The following CREBRF variants were observed in gnomAD, a reference collection of about 807,000 sequenced individuals.
CREBRF encodes the protein UPF0474 protein C5orf41.
In CREBRF, 5 loss-of-function variants were observed where a neutral mutation model predicts 66.1. That is an observed-to-expected ratio of 0.08 (90% confidence interval 0.04 to 0.16). The LOEUF (loss-of-function observed/expected upper bound fraction) is 0.16, where lower values mean the gene tolerates loss of function less well. Among genes scored for constraint, CREBRF ranks in the 10% least tolerant of loss-of-function variants. The pLI is 1.00. For synonymous variants in CREBRF, 229 were observed against 264.4 expected (o/e 0.87, Z 1.30); for missense variants, 531 against 744.9 (o/e 0.71, Z 3.34).
chr5:173,103,283 T>C (rs1231542671), intron 4 of CREBRF, among the ~76,000 whole-genome samples: 1 of 152,208 alleles, frequency 6.6e-6, no homozygotes, highest in East Asian at 1.9e-4. Flanking sequence ...TAATATTATT[T>C]GGACAGTTCT....
At chr5:173,092,163 T>G in intron 4 of CREBRF, 1 of 924,030 alleles carries the variant, frequency 1.1e-6, no homozygotes, top group African/African-American at 1.8e-5. Flanking sequence ...GTTAGGAGTA[T>G]ATAGAATGTT....
chr5:173,104,446 TG>T (rs1382340348), intron 4 of CREBRF, among the ~76,000 whole-genome samples: 2 of 152,086 alleles, frequency 1.3e-5, no homozygotes, highest in Non-Finnish European at 2.9e-5. Flanking sequence ...TTTGGGAGGC[TG>T]AAATGGGAAG....
chr5:173,064,559 A>ATTTTTTTT (rs1217486982), intron 1 of CREBRF, among the ~76,000 whole-genome samples: 3 of 107,642 alleles, frequency 2.8e-5, no homozygotes, highest in Non-Finnish European at 5.6e-5. Context: ...CACCTGGTTA[A>ATTTTTTTT]TTTTTTTTTT....
chr5:173,106,328 G>T (rs1169495770), intron 4 of CREBRF, among the ~76,000 whole-genome samples: 1 of 152,034 alleles, frequency 6.6e-6, no homozygotes, highest in Non-Finnish European at 1.5e-5. Context: ...TACTCAGGAA[G>T]TTGAGGCAGG....
At chr5:173,117,614 C>A (rs1759028853) in intron 7 of CREBRF, among the ~76,000 whole-genome samples, 1 of 67,484 alleles carries the variant, frequency 1.5e-5, no homozygotes. Flanking sequence ...TCCCTCCCTC[C>A]CTCCCTCACT....
rs987650981 is a variant in CREBRF, at chr5:173,123,075, T to C, written c.1682-5T>C. On this transcript the variant is annotated splice_polypyrimidine_tract_variant and splice_region_variant and intron_variant, in intron 7 of 8. Transcript: ENST00000296953. The stretch of plus-strand genomic sequence containing the variant: ...ATATTCCAAGTGTTTTGTTCTGTCT[T>C]ACAGATAATTTATTGTTTGTAATCA... The C allele has an allele frequency of 1.3e-6, 2 of 1,588,622 alleles. No homozygotes were observed. The highest frequency in any genetic ancestry group is 1.4e-5 in the African/African-American group (1 of 73,140).
intron 7 of CREBRF, among the ~76,000 whole-genome samples, chr5:173,115,092 TTTTTC>T (rs1207233717): frequency 6.6e-6 from 1 of 151,918 alleles, no homozygotes; most frequent in Non-Finnish European, 1.5e-5. Context: ...GTGTTTTTTC[TTTTTC>T]TTTTCTTTTT....
intron 1 of CREBRF, among the ~76,000 whole-genome samples, chr5:173,077,366 G>T (rs1182695318): frequency 6.6e-6 from 1 of 152,094 alleles, no homozygotes; most frequent in Non-Finnish European, 1.5e-5. Flanking sequence ...ACATTGAGAA[G>T]TGTTGTGTAA....
chr5:173,061,477 T>C (rs173693), intron 1 of CREBRF, among the ~76,000 whole-genome samples: 99,729 of 152,114 alleles, frequency 0.66, 33,172 homozygotes, highest in Middle Eastern at 0.7. Flanking sequence ...AATATTGGTA[T>C]AAATCCTGTT....
At chr5:173,086,192 T>C (rs1758139452) in intron 2 of CREBRF, 5 of 767,962 alleles carry the variant, frequency 6.5e-6, no homozygotes, top group Admixed American at 5.2e-5. Context: ...CCACAACATA[T>C]TTAATTGTCT....
rs1437321060 is a variant in CREBRF, at chr5:173,110,611, C to G, written c.1507C>G (p.Arg503Gly). The change falls in exon 6 of 9, where the codon CGG becomes GGG. Residue 503 changes from arginine (R) to glycine (G), a missense_variant. This residue lies in a region of CREBRF where 25 missense variants were observed against 55.3 expected (regional missense o/e 0.45). Coordinates refer to ENST00000296953, the MANE Select transcript of CREBRF (RefSeq NM_153607.3). ...ACTCCTCCAGATAGGCAATGAACTT[C>G]GGAAACTGAATAAGGTGATTAGTGA... ...KKLLQIGNEL[R>G]KLNKVISDLT... The G allele has an allele frequency of 6.2e-7, 1 of 1,614,028 alleles. No homozygotes were observed. Among genetic ancestry groups the G allele is most frequent in the Non-Finnish European group, 8.5e-7 (1 of 1,179,910 alleles).
In CREBRF at chr5:173,133,970, A is replaced by C. The variant is rs1341377275; in HGVS notation, c.*225A>C. The C allele has an allele frequency of 3.1e-6, 1 of 322,378 alleles. No individual in the cohort carries two copies. The allele number at this position is 322,378 out of a possible 1,614,324, so 20.0% of individuals were successfully genotyped here. ...AAAACTGCTACTGGCATCAGAATTG[A>C]AAATCATATGTTTAAGTAAATGTTA... On this transcript the variant is annotated 3_prime_UTR_variant, in exon 9 of 9. Coordinates refer to ENST00000296953, the MANE Select transcript of CREBRF (RefSeq NM_153607.3).
intron 5 of CREBRF, 68 bp downstream of exon 5, chr5:173,108,886 T>G: frequency 7.0e-7 from 1 of 1,430,014 alleles, no homozygotes. Flanking sequence ...TCCATAATGT[T>G]TACTCCGTGT....
chr5:173,084,880 C>T (rs1455070818), intron 2 of CREBRF, among the ~76,000 whole-genome samples: 3 of 152,102 alleles, frequency 2.0e-5, no homozygotes, highest in South Asian at 2.1e-4. Context: ...CTCCTGACCT[C>T]GTGATCCACC....
chr5:173,057,309 A>C (rs1311180074), intron 1 of CREBRF: 1 of 151,060 alleles, frequency 6.6e-6, no homozygotes, highest in Non-Finnish European at 1.5e-5. Flanking sequence ...GTTAGATGGG[A>C]GGGGACCAGT....
At chr5:173,115,246 T>TA (rs1758962158) in intron 7 of CREBRF, among the ~76,000 whole-genome samples, 1 of 152,024 alleles carries the variant, frequency 6.6e-6, no homozygotes, top group Non-Finnish European at 1.5e-5. Flanking sequence ...TAGCTAGGAT[T>TA]ACAGGCATGC....
At position 173,097,748 on chromosome 5, in the gene CREBRF, T is replaced by C. The variant is rs548630350; in HGVS notation, c.1222+6347T>C. On this transcript the variant is annotated intron_variant, in intron 4 of 8. Coordinates refer to ENST00000296953, the MANE Select transcript of CREBRF (RefSeq NM_153607.3). ...GGTATTAAATCTGATTTCTCCTCTTTCATTTATAATTTTATTGATTTGAGT... is the reference window on the plus strand; with the variant it reads ...GGTATTAAATCTGATTTCTCCTCTTCCATTTATAATTTTATTGATTTGAGT... Among the ~76,000 whole-genome samples the C allele has an allele frequency of 5.3e-5, 8 of 152,272 alleles. No individual in the cohort carries two copies. In the South Asian group the frequency reaches 1.7e-3, roughly 32 times the overall value.
At chr5:173,057,723 C>G (rs1205471294) in intron 1 of CREBRF, 1 of 152,008 alleles carries the variant, frequency 6.6e-6, no homozygotes, top group Admixed American at 6.6e-5. Flanking sequence ...TGTACCAGGC[C>G]TCAGATAAGA....
In CREBRF at chr5:173,132,724, C is replaced by T. The variant is rs145689244; in HGVS notation, c.1805-906C>T. On this transcript the variant is annotated intron_variant, in intron 8 of 8. Coordinates refer to ENST00000296953, the MANE Select transcript of CREBRF (RefSeq NM_153607.3). ...AAGCAGTTCTCCTGCGTCAGCCTCCCGAGTAGCTGGGATTATAGACATGTG... is the reference window on the plus strand; with the variant it reads ...AAGCAGTTCTCCTGCGTCAGCCTCCTGAGTAGCTGGGATTATAGACATGTG... Among the ~76,000 whole-genome samples, 81 of 148,236 alleles carry T rather than the reference C, an allele frequency of 5.5e-4. No homozygotes were observed. The East Asian group carries it at 0.013, about 24-fold the overall frequency.
Sources: gnomAD v4.1 joint callset for allele counts (sites outside exome capture counted in the v4.1 genomes callset) on GRCh38, gnomAD v4.1.1 for gene constraint, gnomAD v4.1.1 regional missense constraint, MANE v1.5 for transcripts, NCBI Gene and HGNC (gene_info 2026-07-23, HGNC 2026-07-21) for gene names.